Variants in ROBO2 observed in about 807,000 individuals in gnomAD.
ROBO2 encodes roundabout homolog 2.
ROBO2 carries 53 observed loss-of-function variants against 160.8 expected under a neutral mutation model. The observed-to-expected ratio is 0.33, with a 90% CI of 0.26 to 0.41. The LOEUF (loss-of-function observed/expected upper bound fraction) is 0.41, where lower values mean the gene tolerates loss of function less well. Among genes scored for constraint, ROBO2 ranks in the 10% least tolerant of loss-of-function variants. The pLI is 1.00. For synonymous variants in ROBO2, 664 were observed against 611.7 expected, an observed-to-expected ratio of 1.09 and a Z score of -1.26; for missense variants, 1,577 against 1,722.4, an observed-to-expected ratio of 0.92 and a Z score of 1.49.
At chr3:76,256,444 C>G (rs1706393736) in intron 2 of ROBO2, among the ~76,000 whole-genome samples, 1 of 151,850 alleles carries the variant, frequency 6.6e-6, no homozygotes, top group Admixed American at 6.6e-5. Context: ...CAATGGCTCA[C>G]ACCTGTAATC....
intron 2 of ROBO2, among the ~76,000 whole-genome samples, chr3:77,191,279 A>T (rs1390523271): frequency 6.6e-6 from 1 of 152,142 alleles, no homozygotes; most frequent in Non-Finnish European, 1.5e-5. Flanking sequence ...CCATGAAAAC[A>T]GATTAATGTG....
chr3:76,690,841 G>A (rs1029492566), intron 2 of ROBO2, among the ~76,000 whole-genome samples: 44 of 152,122 alleles, frequency 2.9e-4, no homozygotes, highest in Middle Eastern at 3.4e-3. Flanking sequence ...CCAATGTTGA[G>A]ATTTTTCCAG....
exon 26 of ROBO2, chr3:77,649,130 T>G (rs1439826374): frequency 1.3e-5 from 2 of 152,122 alleles, no homozygotes; most frequent in African/African-American, 4.8e-5. Context: ...AAGAATTGAT[T>G]CCTTCACAGG....
At chr3:76,427,304 C>T (rs1319985337) in intron 2 of ROBO2, among the ~76,000 whole-genome samples, 3 of 150,806 alleles carry the variant, frequency 2.0e-5, no homozygotes, top group Non-Finnish European at 4.4e-5. Flanking sequence ...GTTCTGGAGA[C>T]CATAGGAAGT....
chr3:76,737,832 A>G lies in ROBO2; in HGVS notation c.110-360182A>G, dbSNP rs1178611883. Among the ~76,000 whole-genome samples, 20 of 131,166 alleles carry G rather than the reference A, an allele frequency of 1.5e-4. No homozygotes were observed. The Admixed American group carries it at 1.6e-3, about 11-fold the overall frequency. The allele number at this position is 131,166 out of a possible 152,430, so 86.0% of individuals were successfully genotyped here. On this transcript the variant is annotated intron_variant, in intron 2 of 26. Coordinates refer to the ROBO2 transcript ENST00000487694. Reference sequence around the variant, plus strand: ...AAGCAGATCACTAACTAAAGCAATAATCCTGTGAGAACAGTATTATTTAAG... The same window carrying G: ...AAGCAGATCACTAACTAAAGCAATAGTCCTGTGAGAACAGTATTATTTAAG...
chr3:76,580,856 GAT>G (rs2085657728), intron 2 of ROBO2, among the ~76,000 whole-genome samples: 1 of 151,886 alleles, frequency 6.6e-6, no homozygotes, highest in Non-Finnish European at 1.5e-5. Context: ...AGTTCTGAAA[GAT>G]AAAAAAAACT....
At chr3:75,909,701 C>T (rs1366598095) in intron 1 of ROBO2, among the ~76,000 whole-genome samples, 4 of 152,186 alleles carry the variant, frequency 2.6e-5, no homozygotes, top group African/African-American at 9.6e-5. Flanking sequence ...TACTCACTGT[C>T]ATTTCAACAT....
chr3:76,976,997 T>C (rs2059847043), intron 2 of ROBO2, among the ~76,000 whole-genome samples: 1 of 152,220 alleles, frequency 6.6e-6, no homozygotes, highest in Non-Finnish European at 1.5e-5. Flanking sequence ...GTGTCTTTTC[T>C]AGACTTTGGT....
chr3:76,909,396 ACT>A (rs1462829315), intron 2 of ROBO2, among the ~76,000 whole-genome samples: 1 of 152,118 alleles, frequency 6.6e-6, no homozygotes, highest in Non-Finnish European at 1.5e-5. Context: ...ATAGAATTTA[ACT>A]TCAACTGACA....
chr3:76,604,445 T>C (rs967867799), intron 2 of ROBO2, among the ~76,000 whole-genome samples: 1 of 152,168 alleles, frequency 6.6e-6, no homozygotes, highest in African/African-American at 2.4e-5. Flanking sequence ...GAATAAGGCA[T>C]CATAAATTTA....
At chr3:77,046,046 T>A (rs1288026054) in intron 1 of ROBO2, among the ~76,000 whole-genome samples, 1 of 152,216 alleles carries the variant, frequency 6.6e-6, no homozygotes, top group South Asian at 2.1e-4. Context: ...TTGGCTATTA[T>A]AGATATTGCT....
chr3:77,221,083 G>A (rs974337046), intron 2 of ROBO2, among the ~76,000 whole-genome samples: 3 of 152,148 alleles, frequency 2.0e-5, no homozygotes, highest in Non-Finnish European at 4.4e-5. Flanking sequence ...TTTTGGCAAG[G>A]AAAACATCAG....
intron 2 of ROBO2, among the ~76,000 whole-genome samples, chr3:76,292,081 T>C (rs1417403718): frequency 1.3e-5 from 2 of 152,190 alleles, no homozygotes; most frequent in African/African-American, 4.8e-5. Context: ...TCTGCCTCGA[T>C]GATCTGTCTA....
intron 2 of ROBO2, among the ~76,000 whole-genome samples, chr3:76,563,307 T>A (rs961469291): frequency 3.9e-5 from 6 of 152,176 alleles, no homozygotes; most frequent in African/African-American, 1.2e-4. Context: ...ATTAATATAT[T>A]AATGGATTGT....
chr3:76,811,876 TCCTTC>T (rs2065218950), intron 2 of ROBO2, among the ~76,000 whole-genome samples: 1 of 138,866 alleles, frequency 7.2e-6, no homozygotes, highest in Non-Finnish European at 1.6e-5. Context: ...CTTCCTTCCT[TCCTTC>T]CTTTTTTGAG....
At chr3:76,002,946 A>G (rs986436071) in intron 2 of ROBO2, among the ~76,000 whole-genome samples, 5 of 152,160 alleles carry the variant, frequency 3.3e-5, no homozygotes, top group African/African-American at 1.2e-4. Context: ...GGAAACTACT[A>G]CAGATACAAA....
intron 2 of ROBO2, among the ~76,000 whole-genome samples, chr3:77,147,264 C>T (rs1405024774): frequency 1.3e-5 from 2 of 152,102 alleles, no homozygotes; most frequent in South Asian, 2.1e-4. Flanking sequence ...CCATGACCTT[C>T]GGTGAGTTCT....
At chr3:77,211,236 C>A (rs985597621) in intron 2 of ROBO2, among the ~76,000 whole-genome samples, 26 of 152,312 alleles carry the variant, frequency 1.7e-4, no homozygotes, top group African/African-American at 6.0e-4. Context: ...TTCTCCACAT[C>A]CTCTCTAGCA....
chr3:76,235,831 T>C (rs1704910512), intron 2 of ROBO2, among the ~76,000 whole-genome samples: 1 of 152,212 alleles, frequency 6.6e-6, no homozygotes, highest in Non-Finnish European at 1.5e-5. Flanking sequence ...TTGAGAACTT[T>C]GGTGGGACAA....
Sources: allele counts gnomAD v4.1 joint callset (sites outside exome capture counted in the v4.1 genomes callset), GRCh38; gene constraint gnomAD v4.1.1; transcripts MANE v1.5; gene names NCBI Gene and HGNC (gene_info 2026-07-23, HGNC 2026-07-21).